Variants in TRAK1 observed in about 807,000 individuals in gnomAD.
The protein encoded by TRAK1 is trafficking kinesin-binding protein 1.
Under a neutral mutation model 92.1 loss-of-function variants are expected in TRAK1, and 33 were observed. That is an observed-to-expected ratio of 0.36 (90% CI 0.27 to 0.48). TRAK1 has a LOEUF of 0.48. Ranked by LOEUF, TRAK1 falls within the 20% of genes least tolerant of loss-of-function variation. TRAK1 has a pLI of 0.99. For synonymous variants in TRAK1, 521 were observed against 517.3 expected, an observed-to-expected ratio of 1.01 and a Z score of -0.10; for missense variants, 1,123 against 1,257.9, an observed-to-expected ratio of 0.89 and a Z score of 1.62.
intron 1 of TRAK1, among the ~76,000 whole-genome samples, chr3:42,099,868 G>A (rs770975459): frequency 1.3e-5 from 2 of 152,158 alleles, no homozygotes; most frequent in Non-Finnish European, 2.9e-5. Flanking sequence ...TTGTGACAGG[G>A]CCTGGAAGTT....
chr3:42,154,148 A>ATTTAAT (rs1364773462), intron 2 of TRAK1, among the ~76,000 whole-genome samples: 3 of 152,058 alleles, frequency 2.0e-5, no homozygotes, highest in Non-Finnish European at 4.4e-5. Flanking sequence ...GCTCTTGTTT[A>ATTTAAT]TTTAATTTTA....
chr3:42,180,453 T>A (rs1703839922), intron 3 of TRAK1, among the ~76,000 whole-genome samples: 1 of 152,094 alleles, frequency 6.6e-6, no homozygotes, highest in Non-Finnish European at 1.5e-5. Context: ...GGTAGCATAG[T>A]GAGACCCTGT....
In TRAK1 at chr3:42,225,361, C is replaced by G. The variant is rs1307093265; in HGVS notation, c.*1624C>G. Reference sequence around the variant, plus strand: ...TCCACCAAGGATACTTTGAGAAAGCCCCTAAGGAACAAGCCTCAGTCCCAC... The same window carrying G: ...TCCACCAAGGATACTTTGAGAAAGCGCCTAAGGAACAAGCCTCAGTCCCAC... On this transcript the variant is annotated 3_prime_UTR_variant, in exon 16 of 16. Coordinates refer to ENST00000327628, the MANE Select transcript of TRAK1 (RefSeq NM_001042646.3). 1 of 152,150 alleles carries G rather than the reference C, an allele frequency of 6.6e-6. No individual in the cohort carries two copies. The highest frequency in any genetic ancestry group is 2.4e-5 in the African/African-American group (1 of 41,424). The allele number at this position is 152,150 out of a possible 1,614,324, so 9.4% of individuals were successfully genotyped here. A position where few individuals can be genotyped will look rare whatever the true frequency, so the allele number is the denominator to read the frequency against.
intron 1 of TRAK1, among the ~76,000 whole-genome samples, chr3:42,042,741 T>C (rs1042966411): frequency 6.6e-6 from 1 of 152,142 alleles, no homozygotes; most frequent in Non-Finnish European, 1.5e-5. Flanking sequence ...AAATTGTTTT[T>C]CAGTGAACCC....
intron 13 of TRAK1, chr3:42,204,311 TTTTGAA>T (rs1183947254): frequency 2.1e-6 from 2 of 944,014 alleles, no homozygotes; most frequent in Admixed American, 6.2e-5. Context: ...AAGAATATGT[TTTTGAA>T]TTTATTTTCA....
intron 1 of TRAK1, among the ~76,000 whole-genome samples, chr3:42,079,789 CT>C (rs907722852): frequency 4.6e-5 from 7 of 150,922 alleles, no homozygotes; most frequent in Admixed American, 1.3e-4. Flanking sequence ...CTGGAAGCTC[CT>C]TTTTTTTTGT....
intron 2 of TRAK1, among the ~76,000 whole-genome samples, chr3:42,131,909 A>C (rs1697252412): frequency 6.6e-6 from 1 of 150,928 alleles, no homozygotes; most frequent in Non-Finnish European, 1.5e-5. Flanking sequence ...AATTAAAAAA[A>C]AAAAAAAAAA....
intron 1 of TRAK1, among the ~76,000 whole-genome samples, chr3:42,067,295 G>A (rs569546053): frequency 6.6e-6 from 1 of 152,262 alleles, no homozygotes; most frequent in African/African-American, 2.4e-5. Context: ...TGAAAATTAG[G>A]TATTTAAGGA....
intron 1 of TRAK1, among the ~76,000 whole-genome samples, chr3:42,031,954 G>T (rs1219597675): frequency 6.6e-6 from 1 of 152,120 alleles, no homozygotes; most frequent in Non-Finnish European, 1.5e-5. Context: ...CTGCAAAGCT[G>T]CTGGCTCTGA....
intron 1 of TRAK1, among the ~76,000 whole-genome samples, chr3:42,027,652 C>T (rs1305185435): frequency 1.3e-5 from 2 of 151,794 alleles, no homozygotes; most frequent in African/African-American, 4.8e-5. Flanking sequence ...TTTAAAAAGC[C>T]CCAAACCTAA....
Position 42,223,169 on chromosome 3 carries a change from G to T in TRAK1, c.2294G>T (p.Gly765Val). The change falls in exon 16 of 16, where the codon GGC (glycine) becomes GTC (valine). Residue 765 changes from glycine to valine, a missense_variant. Gly to Val is a moderately radical substitution (Grantham distance 109). Around this residue, in one of 3 missense-constraint regions of TRAK1, gnomAD observed 401 missense variants for 438.9 expected, o/e 0.91. Transcript: ENST00000327628. The surrounding 1 kb of genome is among the most constrained non-coding windows in gnomAD (Gnocchi z 6.1). ...CAGAGCTGGGACAGGGCCGGCCGGG[G>T]CTCCCTCCTGCACTCCTACACGCCC... ...DPQSWDRAGR[G>V]SLLHSYTPKM... is the part of the protein sequence containing the mutation. The T allele has an allele frequency of 6.2e-7, 1 of 1,613,972 alleles. No homozygotes were observed. Among genetic ancestry groups the T allele is most frequent in the African/African-American group, 1.3e-5 (1 of 75,022 alleles).
At chr3:42,192,660 C>G (rs766932188) in intron 7 of TRAK1, among the ~76,000 whole-genome samples, 1 of 152,178 alleles carries the variant, frequency 6.6e-6, no homozygotes, top group Non-Finnish European at 1.5e-5. Flanking sequence ...CTTTTTAGAA[C>G]TGGGTGCAGC....
chr3:42,152,965 G>A (rs1700115493), intron 2 of TRAK1, among the ~76,000 whole-genome samples: 1 of 152,200 alleles, frequency 6.6e-6, no homozygotes, highest in African/African-American at 2.4e-5. Flanking sequence ...GAAAACAGGA[G>A]TAACAACACT....
chr3:42,199,311 G>C, intron 11 of TRAK1, 58 bp downstream of exon 11: 1 of 1,575,372 alleles, frequency 6.3e-7, no homozygotes, highest in Non-Finnish European at 8.7e-7. Context: ...GACCAGTGCA[G>C]TGTTCAAAAC....
At chr3:42,214,133 C>T (rs1349297043) in intron 14 of TRAK1, among the ~76,000 whole-genome samples, 2 of 152,182 alleles carry the variant, frequency 1.3e-5, no homozygotes, top group Non-Finnish European at 2.9e-5. Context: ...TCTCTGGTAT[C>T]CTCACCTCTG....
At chr3:42,189,675 C>T (rs775733440) in intron 6 of TRAK1, among the ~76,000 whole-genome samples, 14 of 152,068 alleles carry the variant, frequency 9.2e-5, no homozygotes, top group Admixed American at 2.0e-4. Context: ...GGACTACAGA[C>T]GCATGCCACC....
Position 42,015,682 on chromosome 3 carries a change from A to G in TRAK1, c.-519+1565A>G, listed in dbSNP as rs73828511. On this transcript the variant is annotated intron_variant, in intron 1 of 16. Coordinates refer to the TRAK1 transcript ENST00000487159. ...CTTTTTGAGCCCCAACAGGGATAAT[A>G]AAGCATATAATAGTAATTATTGTTT... Among the ~76,000 whole-genome samples the G allele has an allele frequency of 4.0e-3, 604 of 152,314 alleles. 2 individuals are homozygous for G. The highest frequency in any genetic ancestry group is 0.014 in the African/African-American group (587 of 41,576).
intron 2 of TRAK1, among the ~76,000 whole-genome samples, chr3:42,148,223 G>C (rs1204282474): frequency 1.3e-5 from 2 of 152,164 alleles, no homozygotes; most frequent in Non-Finnish European, 2.9e-5. Context: ...CATCTTGGGG[G>C]TGGAGGGTAG....
At chr3:42,186,832 C>T (rs1034765801) in intron 4 of TRAK1, among the ~76,000 whole-genome samples, 3 of 152,046 alleles carry the variant, frequency 2.0e-5, no homozygotes, top group Non-Finnish European at 4.4e-5. Flanking sequence ...GTCTAGGTGT[C>T]GAAGCTAAAA....
Sources: gnomAD v4.1 joint callset for allele counts (sites outside exome capture counted in the v4.1 genomes callset) on GRCh38, gnomAD v4.1.1 for gene constraint, gnomAD v4.1.1 regional missense constraint, Gnocchi (gnomAD v3.1) non-coding constraint, MANE v1.5 for transcripts, NCBI Gene and HGNC (gene_info 2026-07-23, HGNC 2026-07-21) for gene names.